The following MED12 variants were observed in gnomAD, a reference collection of about 807,000 sequenced individuals.
The protein encoded by MED12 is mediator complex subunit 12.
A neutral mutation model predicts 177.7 loss-of-function variants in MED12; 10 were observed. That is an observed-to-expected ratio of 0.06 (90% CI 0.03 to 0.10). The LOEUF is 0.10. Among genes scored for constraint, MED12 ranks in the 10% least tolerant of loss-of-function variants. The pLI is 1.00. For missense variants in MED12, 867 were observed against 1,780.8 expected (o/e 0.49, Z 9.23); for synonymous variants, 641 against 678.4 (o/e 0.94, Z 0.86).
At position 71,135,139 on chromosome X, in the gene MED12, G is replaced by A; in HGVS notation, c.4911G>A (p.Gln1637=). ...RQSDSLEKVR[Q]LLPLPKQTRD... is the part of the protein sequence containing the mutation. ...CAGACAGTCTGGAAAAGGTTCGCCAGCTGCTGCCACTGCCCAAGCAGACCC... is the reference window on the plus strand; with the variant it reads ...CAGACAGTCTGGAAAAGGTTCGCCAACTGCTGCCACTGCCCAAGCAGACCC... Residue 1637 remains glutamine, a synonymous_variant, in exon 36 of 45, where the codon CAG becomes CAA. Transcript: ENST00000374080. The A allele has an allele frequency of 8.3e-7, 1 of 1,211,612 alleles. No homozygotes were observed. Among genetic ancestry groups the A allele is most frequent in the Non-Finnish European group, 1.1e-6 (1 of 895,446 alleles).
rs1365839691 is a variant in MED12, at chrX:71,125,135, C to T, written c.2215C>T (p.Pro739Ser). Residue 739 changes from proline (P) to serine (S), a missense_variant, in exon 15 of 45, where the codon CCC becomes TCC. Around this residue, in one of 14 missense-constraint regions of MED12, gnomAD observed 309 missense variants for 556.3 expected, o/e 0.56. Transcript: ENST00000374080. ...ACACGTGCAGTACGCCACCCATTTT[C>T]CCATCCCCCAGGTACTATTCCCCAG... ...PRHVQYATHF[P>S]IPQEESCSHE... 8.3e-7 allele frequency: 1 copy of T among 1,208,739 alleles called. No individual in the cohort carries two copies. Among genetic ancestry groups the T allele is most frequent in the East Asian group, 3.0e-5 (1 of 33,725 alleles).
chrX:71,123,049 G>A lies in MED12; in HGVS notation c.1486-46G>A, dbSNP rs769035854. On this transcript the variant is annotated intron_variant, in intron 10 of 44. Coordinates refer to ENST00000374080, the MANE Select transcript of MED12 (RefSeq NM_005120.3). ...TTAGGAAATTGGAACTCATTTCTTTGTCCCCACCCCTACCTTACTCCTCCT... is the reference window on the plus strand; with the variant it reads ...TTAGGAAATTGGAACTCATTTCTTTATCCCCACCCCTACCTTACTCCTCCT... 1.1e-5 allele frequency: 13 copies of A among 1,205,080 alleles called. No individual in the cohort carries two copies. In the Admixed American group the frequency reaches 1.3e-4, roughly 12 times the overall value.
At position 71,126,981 on chromosome X, in the gene MED12, C is replaced by T. The variant is rs1470081405; in HGVS notation, c.2698C>T (p.Leu900=). Residue 900 remains leucine, a synonymous_variant, in exon 20 of 45, where the codon CTG becomes TTG. Transcript: ENST00000374080. ...IDFAIQLLNE[L]SVVEAELLLK... ...TTTACTCTGCTAGCTGCTGAATGAA[C>T]TGAGTGTAGTTGAGGCTGAGCTGCT... 4 of 1,209,393 alleles carry T rather than the reference C, an allele frequency of 3.3e-6. No individual in the cohort carries two copies. In the East Asian group the frequency reaches 1.2e-4, roughly 36 times the overall value.
chrX:71,131,458 A>G (rs1002396478), intron 28 of MED12, 92 bp from the exon 29 acceptor site: 9 of 846,959 alleles, frequency 1.1e-5, no homozygotes, highest in African/African-American at 8.0e-5. Flanking sequence ...CTGTGATTCA[A>G]TGTTGCAGGA....
At chrX:71,121,272 T>TACTTTTTCTGCTTC (rs1472690389) in intron 5 of MED12, 55 bp from the exon 6 acceptor site, 10 of 1,183,390 alleles carry the variant, frequency 8.5e-6, no homozygotes, top group Non-Finnish European at 1.1e-5. Flanking sequence ...TCTTTTCATT[T>TACTTTTTCTGCTTC]ACTTTATCTG....
chrX:71,130,043 A>G lies in MED12; in HGVS notation c.3876A>G (p.Val1292=), dbSNP rs368144948. 4 of 1,206,605 alleles carry G rather than the reference A, an allele frequency of 3.3e-6. No homozygotes were observed. The East Asian group carries it at 8.9e-5, about 27-fold the overall frequency. ...VLRSICQQEW[V]GERCLKSLCE... ...ATTGTCAGCTTCCTCAGGAATGGGT[A>G]GGAGAACGTTGCCTTAAGTCTCTGT... The change falls in exon 28 of 45, where the codon GTA becomes GTG. Residue 1292 remains valine, a synonymous_variant. Coordinates refer to ENST00000374080, the MANE Select transcript of MED12 (RefSeq NM_005120.3).
In MED12 at chrX:71,128,459, T is replaced by A. The variant is rs1167621786; in HGVS notation, c.3354+19T>A. ...TGTTGATGTGAGACTTGGGGTGGGG[T>A]TTTGCTAGTGGGGCAGTGACCAGGG... On this transcript the variant is annotated intron_variant, in intron 23 of 44. Transcript: ENST00000374080. The A allele has an allele frequency of 5.8e-6, 7 of 1,207,859 alleles. No homozygotes were observed. The highest frequency in any genetic ancestry group is 7.8e-6 in the Non-Finnish European group (7 of 894,697).
intron 23 of MED12, 24 bp downstream of exon 23, chrX:71,128,464 C>G (rs1023768866): frequency 9.9e-6 from 12 of 1,208,199 alleles, no homozygotes; most frequent in Non-Finnish European, 1.2e-5. Context: ...TGGGGTTTTG[C>G]TAGTGGGGCA....
rs368093012 is a variant in MED12 at position 71,136,895 on chromosome X, C to T, written c.5417C>T (p.Pro1806Leu). The change falls in exon 38 of 45, where the codon CCG (proline) becomes CTG (leucine). Residue 1806 changes from proline (P) to leucine (L), a missense_variant. Physicochemically the swap from Pro to Leu is moderately conservative, Grantham distance 98. Around this residue, in one of 14 missense-constraint regions of MED12, gnomAD observed 236 missense variants for 345.2 expected, o/e 0.68. Transcript: ENST00000374080. ...CTCACACAGGACTATGGAATGGGCC[C>T]GGGTCGGAGCGGCCCTTATGGTGTG... ...ATKTEDYGMG[P>L]GRSGPYGVTV... 5 of 1,210,987 alleles carry T rather than the reference C, an allele frequency of 4.1e-6. No homozygotes were observed. Among genetic ancestry groups the T allele is most frequent in the Non-Finnish European group, 5.6e-6 (5 of 895,444 alleles).
At chrX:71,124,483 G>T (rs1329325768) in intron 13 of MED12, 95 bp downstream of exon 13, 3 of 669,987 alleles carry the variant, frequency 4.5e-6, no homozygotes, top group Non-Finnish European at 6.9e-6. Flanking sequence ...GCCTGGGGGA[G>T]GGGGGTAGTA....
At position 71,118,669 on chromosome X, in the gene MED12, C is replaced by T; in HGVS notation, c.-86C>T. ...TCGGCCGCCGTCCTCTCAACCACCG[C>T]CCCCCTTTTCGGCTCCCTCTCCCCC... On this transcript the variant is annotated 5_prime_UTR_variant, in exon 1 of 45. Coordinates refer to ENST00000374080, the MANE Select transcript of MED12 (RefSeq NM_005120.3). The T allele has an allele frequency of 2.3e-6, 2 of 878,944 alleles. No homozygotes were observed. Among genetic ancestry groups the T allele is most frequent in the Non-Finnish European group, 3.3e-6 (2 of 611,541 alleles). 72.4% of individuals were successfully genotyped at this position (878,944 alleles called of 1,213,427 possible).
At chrX:71,127,735 T>A (rs1243337173) in intron 21 of MED12, 158 bp from the exon 22 acceptor site, 2 of 513,860 alleles carry the variant, frequency 3.9e-6, no homozygotes, top group Non-Finnish European at 6.8e-6. Flanking sequence ...ATGTGGTTCC[T>A]TTCCTGCCCA....
intron 41 of MED12, among the ~76,000 whole-genome samples, chrX:71,140,122 C>T (rs1045674970): frequency 1.0e-5 from 1 of 97,404 alleles, no homozygotes; most frequent in Non-Finnish European, 2.1e-5. Flanking sequence ...CTCTGTCATC[C>T]AGGCTGGAGT....
At position 71,128,590 on chromosome X, in the gene MED12, T is replaced by C. The variant is rs911936047; in HGVS notation, c.3355-8T>C. On this transcript the variant is annotated splice_polypyrimidine_tract_variant and splice_region_variant and intron_variant, in intron 23 of 44. Coordinates refer to ENST00000374080, the MANE Select transcript of MED12 (RefSeq NM_005120.3). Reference sequence around the variant, plus strand: ...TGAGTCATGGTGTCTGTCTGTTTTTTCCTCCAGGTCAGTGACCTATCTTTT... The same window carrying C: ...TGAGTCATGGTGTCTGTCTGTTTTTCCCTCCAGGTCAGTGACCTATCTTTT... 2 of 1,210,957 alleles carry C rather than the reference T, an allele frequency of 1.7e-6. No individual in the cohort carries two copies. Among genetic ancestry groups the C allele is most frequent in the Non-Finnish European group, 2.2e-6 (2 of 895,443 alleles).
intron 41 of MED12, among the ~76,000 whole-genome samples, chrX:71,140,147 T>G (rs1180055873): frequency 4.9e-5 from 5 of 101,528 alleles, no homozygotes; most frequent in African/African-American, 1.8e-4. Flanking sequence ...TGGTGCAATC[T>G]TGGCTCACTG....
At chrX:71,122,067 G>T in intron 7 of MED12, 133 bp from the exon 8 acceptor site, 3 of 918,503 alleles carry the variant, frequency 3.3e-6, no homozygotes, top group Non-Finnish European at 4.7e-6. Context: ...GGGGATCGGG[G>T]TGGAGTGATG....
In MED12 at chrX:71,125,700, C is replaced by T. The variant is rs756908016; in HGVS notation, c.2409C>T (p.Asp803=). The change falls in exon 17 of 45, where the codon GAC becomes GAT. Residue 803 remains aspartate, a synonymous_variant. Coordinates refer to ENST00000374080, the MANE Select transcript of MED12 (RefSeq NM_005120.3). ...LAPIVPLNPG[D]LTFLGGEDGQ... ...CTATTGTGCCTCTGAATCCTGGAGA[C>T]CTGACATTCTTAGGTACCTCACAGT... 2 of 1,174,649 alleles carry T rather than the reference C, an allele frequency of 1.7e-6. No individual in the cohort carries two copies. Among genetic ancestry groups the T allele is most frequent in the African/African-American group, 3.8e-5 (2 of 52,929 alleles).
At chrX:71,119,345 A>G (rs2147769442) in intron 1 of MED12, 28 bp from the exon 2 acceptor site, 1 of 1,128,170 alleles carries the variant, frequency 8.9e-7, no homozygotes, top group Non-Finnish European at 1.2e-6. Context: ...TAAGGAAAAA[A>G]CAACTAAACG....
At chrX:71,119,655 C>G in intron 2 of MED12, 31 bp from the exon 3 acceptor site, 1 of 1,202,736 alleles carries the variant, frequency 8.3e-7, no homozygotes. Context: ...GCCCCTTCTT[C>G]CCACCCTGAG....
Sources: gnomAD v4.1 joint callset for allele counts (sites outside exome capture counted in the v4.1 genomes callset) on GRCh38, gnomAD v4.1.1 for gene constraint, gnomAD v4.1.1 regional missense constraint, MANE v1.5 for transcripts, NCBI Gene and HGNC (gene_info 2026-07-23, HGNC 2026-07-21) for gene names.